HSPBP1: variants seen among roughly 807,000 people sequenced by gnomAD.
HSPBP1 encodes HSPA (Hsp70) binding protein 1.
A neutral mutation model predicts 41.7 loss-of-function variants in HSPBP1; 31 were observed. The observed-to-expected ratio is 0.74, with a 90% CI of 0.56 to 1.00. The LOEUF (loss-of-function observed/expected upper bound fraction) is 1.00. HSPBP1 is among the 50% of genes least tolerant of loss of function. HSPBP1 has a pLI of 0.00. For missense variants in HSPBP1, 439 were observed against 487.9 expected (o/e 0.90, Z 0.94); for synonymous variants, 199 against 214.4 (o/e 0.93, Z 0.63).
In HSPBP1 at chr19:55,270,108, C is replaced by A. The variant is rs1445252631; in HGVS notation, c.641-3822G>T. Among the ~76,000 whole-genome samples the A allele has an allele frequency of 1.3e-5, 2 of 151,854 alleles. No homozygotes were observed. The highest frequency in any genetic ancestry group is 4.8e-5 in the African/African-American group (2 of 41,360). On this transcript the variant is annotated intron_variant, in intron 4 of 7. Transcript: ENST00000433386. The surrounding 1 kb of genome is among the most constrained non-coding windows in gnomAD (Gnocchi z 5.4). ...CACACAATGGCATACCCTGCAGCCA[C>A]CAAAAAAAAGGACAGATGCCACTGA...
intron 4 of HSPBP1, among the ~76,000 whole-genome samples, chr19:55,274,028 TC>T (rs2087993043): frequency 6.6e-6 from 1 of 151,980 alleles, no homozygotes; most frequent in Admixed American, 6.6e-5. Context: ...ATAGTGTCTC[TC>T]CATGGCCTGG....
intron 7 of HSPBP1, among the ~76,000 whole-genome samples, chr19:55,263,440 C>T (rs2087696710): frequency 6.6e-6 from 1 of 152,216 alleles, no homozygotes; most frequent in South Asian, 2.1e-4. Context: ...CGGCCCTTAA[C>T]CCTTTAACCT....
intron 3 of HSPBP1, among the ~76,000 whole-genome samples, chr19:55,274,870 G>C (rs2088029198): frequency 6.6e-6 from 1 of 152,112 alleles, no homozygotes; most frequent in East Asian, 1.9e-4. Flanking sequence ...ATGGAGGGAG[G>C]ACACAAAAAA....
rs2088166266 is a variant in HSPBP1, at chr19:55,279,419, G to A, written c.190C>T (p.Pro64Ser). Residue 64 changes from proline (P) to serine (S), a missense_variant, in exon 2 of 8, where the codon CCA (proline) becomes TCA (serine). Transcript: ENST00000433386. ...TAGSEEPDPP[P>S]EPMSEERRQW... is the part of the protein sequence containing the mutation. ...TTTACCTCCTCACTCATCGGTTCTG[G>A]AGGAGGGTCTGGCTCTTCAGAGCCC... 2 of 1,598,990 alleles carry A rather than the reference G, an allele frequency of 1.3e-6. No homozygotes were observed. The highest frequency in any genetic ancestry group is 1.4e-5 in the African/African-American group (1 of 73,516).
rs2087673544 is a variant in HSPBP1, at chr19:55,262,600, AC to A, written c.*7del. 1 of 1,613,596 alleles carries A rather than the reference AC, an allele frequency of 6.2e-7. No individual in the cohort carries two copies. ...CCCACGGAGAAGGGGGCAAGAAGCC[AC>A]CTGGTTTCACCGATCCATGCTGTCG... On this transcript the variant is annotated 3_prime_UTR_variant, in exon 8 of 8. Transcript: ENST00000433386.
At chr19:55,267,618 A>G (rs2087822446) in intron 4 of HSPBP1, among the ~76,000 whole-genome samples, 1 of 151,280 alleles carries the variant, frequency 6.6e-6, no homozygotes, top group Non-Finnish European at 1.5e-5. Context: ...GCACCACTAC[A>G]CCCAGCTAAT....
intron 4 of HSPBP1, 52 bp downstream of exon 4, chr19:55,274,346 C>CCCCCCCCCCCCCCCCCCCCCCCCCCCCTG: frequency 2.5e-6 from 1 of 398,854 alleles, no homozygotes; most frequent in East Asian, 5.6e-5. Context: ...GCCCACCCGG[C>CCCCCCCCCCCCCCCCCCCCCCCCCCCCTG]ACCCCCCCCC....
intron 2 of HSPBP1, among the ~76,000 whole-genome samples, 195 bp from the exon 3 acceptor site, chr19:55,278,041 G>GT (rs2122886794): frequency 6.6e-6 from 1 of 152,310 alleles, no homozygotes; most frequent in Non-Finnish European, 1.5e-5. Context: ...GAGCTCAGGA[G>GT]TTTGAGACCA....
At position 55,268,553 on chromosome 19, in the gene HSPBP1, A is replaced by G. The variant is rs1382891862; in HGVS notation, c.641-2267T>C. Reference sequence around the variant, plus strand: ...TGTGCTTCATTTGTAAAATGCACACACTAGGTTTTGAAGACTTAGCATGAC... The same window carrying G: ...TGTGCTTCATTTGTAAAATGCACACGCTAGGTTTTGAAGACTTAGCATGAC... On this transcript the variant is annotated intron_variant, in intron 4 of 7. Coordinates refer to ENST00000433386, the MANE Select transcript of HSPBP1 (RefSeq NM_012267.5). The surrounding 1 kb of genome is among the most constrained non-coding windows in gnomAD (Gnocchi z 4.5). 6.6e-6 allele frequency among the ~76,000 whole-genome samples: 1 copy of G among 152,232 alleles called. No homozygotes were observed. Among genetic ancestry groups the G allele is most frequent in the Non-Finnish European group, 1.5e-5 (1 of 68,036 alleles).
At chr19:55,278,146 C>G (rs1483316128) in intron 2 of HSPBP1, among the ~76,000 whole-genome samples, 1 of 152,166 alleles carries the variant, frequency 6.6e-6, no homozygotes, top group Non-Finnish European at 1.5e-5. Context: ...ACTCGGGAGG[C>G]TGCAGCAAAG....
In HSPBP1 at chr19:55,262,463, T is replaced by A; in HGVS notation, c.*145A>T. The A allele has an allele frequency of 3.5e-6, 5 of 1,446,250 alleles. No individual in the cohort carries two copies. Among genetic ancestry groups the A allele is most frequent in the Non-Finnish European group, 4.6e-6 (5 of 1,098,562 alleles). The allele number at this position is 1,446,250 out of a possible 1,614,324, so 89.6% of individuals were successfully genotyped here. On this transcript the variant is annotated 3_prime_UTR_variant, in exon 8 of 8. Transcript: ENST00000433386. The stretch of plus-strand genomic sequence containing the variant: ...AGCTGGTGCCTTTCTCAGCGCCCCT[T>A]CCAGGGACTGCACAGAGACGGGCTG...
chr19:55,279,490 C>G lies in HSPBP1; in HGVS notation c.119G>C (p.Arg40Pro), dbSNP rs1413727201. The G allele has an allele frequency of 6.2e-6, 10 of 1,605,496 alleles. No individual in the cohort carries two copies. Among genetic ancestry groups the G allele is most frequent in the Non-Finnish European group, 8.5e-6 (10 of 1,178,356 alleles). The change falls in exon 2 of 8, where the codon CGG becomes CCG. Residue 40 changes from arginine to proline, a missense_variant. Transcript: ENST00000433386. ...GSSAGGSGNS[R>P]PPRNLQGLLQ... Reference sequence around the variant, plus strand: ...CAAGCCTTGGAGGTTGCGTGGGGGCCGGGAATTGCCCGAGCCCCCAGCCGA... The same window carrying G: ...CAAGCCTTGGAGGTTGCGTGGGGGCGGGGAATTGCCCGAGCCCCCAGCCGA...
intron 4 of HSPBP1, among the ~76,000 whole-genome samples, chr19:55,266,493 T>A (rs371161335): frequency 2.8e-4 from 7 of 25,368 alleles, no homozygotes; most frequent in Non-Finnish European, 4.6e-4. Context: ...ACCACCACCA[T>A]CACTATCACC....
At chr19:55,280,158 C>T (rs552527326), upstream of HSPBP1, 56 of 187,972 alleles carry the variant, frequency 3.0e-4, 2 homozygotes, top group South Asian at 4.3e-3. Flanking sequence ...GGCGTACCCA[C>T]CCAACTTCGT....
intron 4 of HSPBP1, among the ~76,000 whole-genome samples, chr19:55,269,771 A>C (rs2087873902): frequency 6.6e-6 from 1 of 152,226 alleles, no homozygotes; most frequent in South Asian, 2.1e-4. Flanking sequence ...AGAATACTAC[A>C]GTATGGATCC....
In HSPBP1 at chr19:55,262,681, T is replaced by A. The variant is rs201282108; in HGVS notation, c.1007A>T (p.Glu336Val). ...QLLQQHEEYQEELEFCEKLLQ... is the reference protein window; with the variant it reads ...QLLQQHEEYQVELEFCEKLLQ... ...CAGCTTTTCACAGAACTCCAGCTCCTCCTGGATTGGGCAGGGGCAGGGAGC... is the reference window on the plus strand; with the variant it reads ...CAGCTTTTCACAGAACTCCAGCTCCACCTGGATTGGGCAGGGGCAGGGAGC... The change falls in exon 8 of 8, where the codon GAG (glutamate) becomes GTG (valine). Residue 336 changes from glutamate to valine, a missense_variant and splice_region_variant. Glu to Val is a moderately radical substitution (Grantham distance 121, BLOSUM62 -2). Transcript: ENST00000433386. The A allele has an allele frequency of 6.2e-7, 1 of 1,612,508 alleles. No individual in the cohort carries two copies. The highest frequency in any genetic ancestry group is 8.5e-7 in the Non-Finnish European group (1 of 1,179,232).
chr19:55,265,804 ACGGG>A, intron 6 of HSPBP1, 78 bp downstream of exon 6: 1 of 880,588 alleles, frequency 1.1e-6, no homozygotes, highest in Non-Finnish European at 1.7e-6. Flanking sequence ...CTGAGTCCCT[ACGGG>A]CTGATTCCTG....
chr19:55,262,295 C>T lies in HSPBP1; in HGVS notation c.*313G>A. 2.8e-6 allele frequency: 3 copies of T among 1,062,530 alleles called. No individual in the cohort carries two copies. Among genetic ancestry groups the T allele is most frequent in the Non-Finnish European group, 3.5e-6 (3 of 859,056 alleles). 65.8% of individuals were successfully genotyped at this position (1,062,530 alleles called of 1,614,324 possible). A position where few individuals can be genotyped will look rare whatever the true frequency, so the allele number is the denominator to read the frequency against. ...AGTCCCTTAAACCCGTGCCCCTCCTCCCGTCCCCCATGCACCCTCCAAAGG... is the reference window on the plus strand; with the variant it reads ...AGTCCCTTAAACCCGTGCCCCTCCTTCCGTCCCCCATGCACCCTCCAAAGG... On this transcript the variant is annotated 3_prime_UTR_variant, in exon 8 of 8. Transcript: ENST00000433386.
intron 6 of HSPBP1, 152 bp downstream of exon 6, chr19:55,265,734 C>T: frequency 3.2e-6 from 2 of 615,946 alleles, no homozygotes; most frequent in South Asian, 4.0e-5. Context: ...AACTGAGGCT[C>T]CCTGACTCCT....
Sources: allele counts gnomAD v4.1 joint callset (sites outside exome capture counted in the v4.1 genomes callset), GRCh38; gene constraint gnomAD v4.1.1; non-coding constraint Gnocchi (gnomAD v3.1); transcripts MANE v1.5; gene names NCBI Gene and HGNC (gene_info 2026-07-23, HGNC 2026-07-21).